CSMD1: variants seen among roughly 807,000 people sequenced by gnomAD.
CSMD1 encodes CUB and Sushi multiple domains 1.
In CSMD1, 213 loss-of-function variants were observed where a neutral mutation model predicts 417.5. The ratio of observed to expected loss-of-function variants is 0.51; its 90% CI spans 0.46 to 0.57. The LOEUF (loss-of-function observed/expected upper bound fraction) is 0.57, where lower values mean the gene tolerates loss of function less well. Among genes scored for constraint, CSMD1 ranks in the 20% least tolerant of loss-of-function variants. The probability of loss-of-function intolerance (pLI) is 0.00; values close to 1 mark genes in which losing one functional copy is unlikely to be tolerated. For synonymous variants in CSMD1, 2,862 were observed against 1,736.8 expected (o/e 1.65, Z -16.11); for missense variants, 6,923 against 4,529.7 (o/e 1.53, Z -15.17).
intron 3 of CSMD1, among the ~76,000 whole-genome samples, chr8:4,069,646 C>T (rs1799442152): frequency 6.6e-6 from 1 of 152,156 alleles, no homozygotes; most frequent in African/African-American, 2.4e-5. Flanking sequence ...TCTGCAGCTT[C>T]CTGGGCCATG....
intron 3 of CSMD1, among the ~76,000 whole-genome samples, chr8:4,185,200 C>A (rs956861742): frequency 3.5e-5 from 5 of 143,986 alleles, no homozygotes; most frequent in Admixed American, 6.9e-5. Flanking sequence ...CACAAAAATG[C>A]AAAAATGAGT....
intron 3 of CSMD1, among the ~76,000 whole-genome samples, chr8:4,263,990 G>A (rs775631591): frequency 2.6e-5 from 4 of 152,152 alleles, no homozygotes; most frequent in Non-Finnish European, 5.9e-5. Flanking sequence ...GAGACAACAT[G>A]TCTTAGAAGT....
At chr8:4,312,631 C>T (rs1798693719) in intron 3 of CSMD1, among the ~76,000 whole-genome samples, 1 of 151,462 alleles carries the variant, frequency 6.6e-6, no homozygotes, top group Non-Finnish European at 1.5e-5. Flanking sequence ...AATCCCAACA[C>T]TTTGGGAGGC....
chr8:3,644,653 G>A (rs746634702), intron 7 of CSMD1, among the ~76,000 whole-genome samples: 56 of 152,252 alleles, frequency 3.7e-4, no homozygotes, highest in South Asian at 8.3e-4. Flanking sequence ...AGTAAAGAGG[G>A]CAGCAGGTTC....
intron 1 of CSMD1, among the ~76,000 whole-genome samples, chr8:4,938,188 A>G (rs1807750706): frequency 6.6e-6 from 1 of 152,198 alleles, no homozygotes; most frequent in Non-Finnish European, 1.5e-5. Context: ...AATAGTCAGA[A>G]CTGTTGACTT....
At chr8:3,072,863 G>A (rs971652782) in intron 49 of CSMD1, among the ~76,000 whole-genome samples, 8 of 152,030 alleles carry the variant, frequency 5.3e-5, no homozygotes, top group Admixed American at 3.3e-4. Flanking sequence ...GTATTAATGG[G>A]AACATAAATA....
intron 2 of CSMD1, among the ~76,000 whole-genome samples, chr8:4,575,383 A>G (rs960657723): frequency 3.3e-5 from 5 of 152,216 alleles, no homozygotes; most frequent in Non-Finnish European, 7.3e-5. Context: ...AGGAAGCTGG[A>G]TTTTAGAAAT....
chr8:4,396,321 G>C (rs749551707), intron 3 of CSMD1, among the ~76,000 whole-genome samples: 13 of 149,980 alleles, frequency 8.7e-5, no homozygotes, highest in Non-Finnish European at 1.6e-4. Context: ...AAAAAAAATA[G>C]CCAGGCATGG....
At chr8:4,238,098 C>G in intron 3 of CSMD1, among the ~76,000 whole-genome samples, 1 of 152,144 alleles carries the variant, frequency 6.6e-6, no homozygotes, top group East Asian at 1.9e-4. Flanking sequence ...AAGATTGAGA[C>G]ACAATTTTTT....
intron 5 of CSMD1, among the ~76,000 whole-genome samples, chr8:3,971,881 T>G (rs961847931): frequency 6.6e-6 from 1 of 152,196 alleles, no homozygotes; most frequent in Non-Finnish European, 1.5e-5. Context: ...TGTTTCTTTG[T>G]TGATTTTTTT....
chr8:3,823,956 A>T (rs1171309367), intron 5 of CSMD1, among the ~76,000 whole-genome samples: 1 of 152,220 alleles, frequency 6.6e-6, no homozygotes, highest in African/African-American at 2.4e-5. Flanking sequence ...AAACAGATCA[A>T]ATAATTTAGT....
At chr8:4,284,580 C>T (rs1180722447) in intron 3 of CSMD1, among the ~76,000 whole-genome samples, 2 of 152,118 alleles carry the variant, frequency 1.3e-5, no homozygotes, top group African/African-American at 4.8e-5. Context: ...GCAGTCTAAG[C>T]AAAATATTTA....
intron 1 of CSMD1, among the ~76,000 whole-genome samples, chr8:4,701,582 C>G (rs923354999): frequency 6.6e-6 from 1 of 152,006 alleles, no homozygotes; most frequent in East Asian, 1.9e-4. Context: ...TTGAGAATAG[C>G]TGTTGATCAC....
At chr8:4,438,353 A>G (rs1248201380) in intron 2 of CSMD1, among the ~76,000 whole-genome samples, 1 of 152,190 alleles carries the variant, frequency 6.6e-6, no homozygotes, top group African/African-American at 2.4e-5. Flanking sequence ...TCTGTCCTGC[A>G]TCACCCCTTT....
intron 1 of CSMD1, among the ~76,000 whole-genome samples, chr8:4,861,284 C>G (rs1406219512): frequency 6.6e-6 from 1 of 152,076 alleles, no homozygotes; most frequent in East Asian, 1.9e-4. Flanking sequence ...AACAAAGGTA[C>G]AGTATGCACA....
At chr8:4,389,238 T>C (rs1803680068) in intron 3 of CSMD1, among the ~76,000 whole-genome samples, 2 of 152,190 alleles carry the variant, frequency 1.3e-5, no homozygotes, top group African/African-American at 4.8e-5. Flanking sequence ...TTCTCTCCTC[T>C]TTGGGTCATA....
At chr8:3,762,207 G>T (rs565000605) in intron 5 of CSMD1, among the ~76,000 whole-genome samples, 1 of 152,214 alleles carries the variant, frequency 6.6e-6, no homozygotes, top group Non-Finnish European at 1.5e-5. Flanking sequence ...GCCATGCAAA[G>T]CCCCATGTGC....
chr8:4,398,342 T>C (rs935774446), intron 3 of CSMD1, among the ~76,000 whole-genome samples: 1 of 151,314 alleles, frequency 6.6e-6, no homozygotes, highest in Non-Finnish European at 1.5e-5. Context: ...CTGATAGCTT[T>C]AAAAGTTTTT....
intron 1 of CSMD1, among the ~76,000 whole-genome samples, chr8:4,776,915 C>T (rs750527337): frequency 6.6e-5 from 10 of 152,276 alleles, no homozygotes; most frequent in South Asian, 2.1e-4. Context: ...ACTTCCACAA[C>T]GTTACTAAGA....
Sources: gnomAD v4.1 joint callset for allele counts (sites outside exome capture counted in the v4.1 genomes callset) on GRCh38, gnomAD v4.1.1 for gene constraint, MANE v1.5 for transcripts, NCBI Gene and HGNC (gene_info 2026-07-23, HGNC 2026-07-21) for gene names.